LGALS8: variants seen among roughly 807,000 people sequenced by gnomAD.
The protein encoded by LGALS8 is galectin-8.
In LGALS8, 30 loss-of-function variants were observed where a neutral mutation model predicts 35.9. The ratio of observed to expected loss-of-function variants is 0.83; its 90% CI spans 0.62 to 1.13. The LOEUF is 1.13. Among genes scored for constraint, LGALS8 ranks in the 50% most tolerant of loss-of-function variants. LGALS8 has a pLI of 0.00. For synonymous variants in LGALS8, 138 were observed against 136.1 expected (o/e 1.01, Z -0.10); for missense variants, 366 against 388.7 (o/e 0.94, Z 0.49).
chr1:236,550,741 C>T lies in LGALS8; in HGVS notation c.*2580C>T, dbSNP rs1662691702. On this transcript the variant is annotated 3_prime_UTR_variant, in exon 10 of 10. Transcript: ENST00000366584. ...GGCAGGAGAGGCTTATGTGGCAGCA[C>T]AAGCCAGGTGGGGATTTTGTAAAGA... The T allele has an allele frequency of 1.2e-5, 7 of 573,880 alleles. No individual in the cohort carries two copies. Among genetic ancestry groups the T allele is most frequent in the South Asian group, 9.8e-5 (4 of 40,912 alleles). The allele number at this position is 573,880 out of a possible 1,614,324, so 35.5% of individuals were successfully genotyped here.
Position 236,550,007 on chromosome 1 carries a change from G to A in LGALS8, c.*1846G>A, listed in dbSNP as rs961820055. The A allele has an allele frequency of 2.0e-5, 3 of 152,004 alleles. No individual in the cohort carries two copies. Among genetic ancestry groups the A allele is most frequent in the East Asian group, 1.9e-4 (1 of 5,190 alleles). 9.4% of individuals were successfully genotyped at this position (152,004 alleles called of 1,614,324 possible). On this transcript the variant is annotated 3_prime_UTR_variant, in exon 10 of 10. Transcript: ENST00000366584. ...TTTAAACTCAATGCGAACATTCTAC[G>A]GGATGTTCTTAGATGCCTTTAAAAA...
chr1:236,547,980 A>AACCACTAATGGCATGTATC (rs1376416158), intron 9 of LGALS8, 32 bp from the exon 10 acceptor site: 1 of 1,585,532 alleles, frequency 6.3e-7, no homozygotes, highest in African/African-American at 1.3e-5. Flanking sequence ...AACTAAGGGG[A>AACCACTAATGGCATGTATC]ACCACTAATG....
rs376319045 is a variant in LGALS8, at chr1:236,543,590, C to T, written c.580C>T (p.Pro194Ser). 3 of 1,613,962 alleles carry T rather than the reference C, an allele frequency of 1.9e-6. No individual in the cohort carries two copies. The highest frequency in any genetic ancestry group is 1.7e-6 in the Non-Finnish European group (2 of 1,180,010). Reference sequence around the variant, plus strand: ...GCCATTCGCTGCAAGGTTGAACACCCCCATGGGCCCTGGACGAACTGTCGT... The same window carrying T: ...GCCATTCGCTGCAAGGTTGAACACCTCCATGGGCCCTGGACGAACTGTCGT... ...RLPFAARLNT[P>S]MGPGRTVVVK... The change falls in exon 8 of 10, where the codon CCC (proline) becomes TCC (serine). Residue 194 changes from proline (P) to serine (S), a missense_variant. By Grantham distance (74) the Pro-to-Ser change is moderately conservative. Transcript: ENST00000366584.
Position 236,526,157 on chromosome 1 carries a change from C to T in LGALS8, c.45+42C>T. The T allele has an allele frequency of 7.4e-7, 1 of 1,357,292 alleles. No individual in the cohort carries two copies. The highest frequency in any genetic ancestry group is 1.1e-6 in the Non-Finnish European group (1 of 949,540). 84.1% of individuals were successfully genotyped at this position (1,357,292 alleles called of 1,614,324 possible). ...AGATAACTTTTTACCTATGCCAGGA[C>T]AGATCCAATAGAATATTAATTATCC... On this transcript the variant is annotated intron_variant, in intron 2 of 9. Coordinates refer to ENST00000366584, the MANE Select transcript of LGALS8 (RefSeq NM_201544.4). The surrounding 1 kb of genome is among the most constrained non-coding windows in gnomAD (Gnocchi z 4.6).
chr1:236,545,059 CT>C (rs2103106312), intron 9 of LGALS8, 144 bp downstream of exon 9: 1 of 596,828 alleles, frequency 1.7e-6, no homozygotes, highest in East Asian at 2.8e-5. Context: ...TAATTTGCCC[CT>C]TTTTATAACG....
At position 236,544,732 on chromosome 1, in the gene LGALS8, TTC is replaced by T. The variant is rs1491307185; in HGVS notation, c.639-16_639-15del. The T allele has an allele frequency of 1.1e-5, 17 of 1,570,414 alleles. No homozygotes were observed. The highest frequency in any genetic ancestry group is 1.4e-5 in the Non-Finnish European group (16 of 1,162,868). Reference sequence around the variant, plus strand: ...ACTTGGTTAATTAAGGTTTTTTTTTTTCTTTCTTTCTCAAAAGCTTTAATGTT... The same window carrying T: ...ACTTGGTTAATTAAGGTTTTTTTTTTTTTCTTTCTCAAAAGCTTTAATGTT... On this transcript the variant is annotated splice_polypyrimidine_tract_variant and intron_variant, in intron 8 of 9. Transcript: ENST00000366584.
At chr1:236,544,722 G>T (rs552935106) in intron 8 of LGALS8, 28 bp from the exon 9 acceptor site, 2 of 1,347,564 alleles carry the variant, frequency 1.5e-6, no homozygotes, top group East Asian at 2.5e-5. Context: ...GTTAATTAAG[G>T]TTTTTTTTTT....
At position 236,551,294 on chromosome 1, in the gene LGALS8, AG is replaced by A. The variant is rs1038954646; in HGVS notation, c.*3135del. On this transcript the variant is annotated 3_prime_UTR_variant, in exon 10 of 10. Transcript: ENST00000366584. Reference sequence around the variant, plus strand: ...CCCCCCTCCAAGAGCTAAGAAACAAAGGAGAATGTACTTTTGTAGCTTAGAT... The same window carrying A: ...CCCCCCTCCAAGAGCTAAGAAACAAAGAGAATGTACTTTTGTAGCTTAGAT... 6 of 343,690 alleles carry A rather than the reference AG, an allele frequency of 1.7e-5. No individual in the cohort carries two copies. The highest frequency in any genetic ancestry group is 1.3e-4 in the African/African-American group (6 of 47,642). 21.3% of individuals were successfully genotyped at this position (343,690 alleles called of 1,614,324 possible).
At chr1:236,524,091 G>T (rs1282603046) in intron 1 of LGALS8, 30 bp downstream of exon 1, 1 of 455,986 alleles carries the variant, frequency 2.2e-6, no homozygotes, top group Non-Finnish European at 4.4e-6. Flanking sequence ...GCCTCGGGTG[G>T]CGGGGCAGTC....
chr1:236,539,154 C>T lies in LGALS8; in HGVS notation c.345+65C>T, dbSNP rs1030170086. On this transcript the variant is annotated intron_variant, in intron 4 of 9. Transcript: ENST00000366584. ...AGCAGGAGTGCACAGGGGTGCTTTT[C>T]ACATTTGTGAGCCCAGCCTTATATT... is the stretch of plus-strand genomic sequence containing the variant. 4.6e-5 allele frequency: 58 copies of T among 1,263,348 alleles called. No homozygotes were observed. The African/African-American group carries it at 7.8e-4, about 17-fold the overall frequency. 78.3% of individuals were successfully genotyped at this position (1,263,348 alleles called of 1,614,324 possible).
At chr1:236,530,961 A>C (rs560951983) in intron 2 of LGALS8, among the ~76,000 whole-genome samples, 24 of 152,330 alleles carry the variant, frequency 1.6e-4, no homozygotes, top group African/African-American at 5.5e-4. Flanking sequence ...ATACTTATGA[A>C]TATCCAAAAG....
chr1:236,534,251 C>A (rs819426), intron 2 of LGALS8, among the ~76,000 whole-genome samples: 12 of 151,880 alleles, frequency 7.9e-5, no homozygotes, highest in Non-Finnish European at 1.5e-4. Flanking sequence ...ATTTTCACTC[C>A]ATGTTTCCTG....
At chr1:236,532,917 T>C (rs1229134716) in intron 2 of LGALS8, among the ~76,000 whole-genome samples, 2 of 152,210 alleles carry the variant, frequency 1.3e-5, no homozygotes, top group Non-Finnish European at 2.9e-5. Context: ...TGGCCTTATG[T>C]AGACAGTTTC....
At chr1:236,531,485 T>C (rs1187797136) in intron 2 of LGALS8, among the ~76,000 whole-genome samples, 2 of 152,006 alleles carry the variant, frequency 1.3e-5, no homozygotes, top group African/African-American at 2.4e-5. Flanking sequence ...CACCCACGCC[T>C]GGCTAATTTT....
chr1:236,522,465 G>T (rs1190670595), upstream of LGALS8, among the ~76,000 whole-genome samples: 1 of 152,114 alleles, frequency 6.6e-6, no homozygotes, highest in Non-Finnish European at 1.5e-5. Flanking sequence ...AATTAGCTGG[G>T]CATAGTGGTG....
chr1:236,532,943 T>A (rs1319792894), intron 2 of LGALS8, among the ~76,000 whole-genome samples: 1 of 152,238 alleles, frequency 6.6e-6, no homozygotes, highest in East Asian at 1.9e-4. Flanking sequence ...AAACATCTCT[T>A]GGACTTCTCT....
At chr1:236,519,942 T>C (rs1432731514), upstream of LGALS8, among the ~76,000 whole-genome samples, 2 of 148,882 alleles carry the variant, frequency 1.3e-5, no homozygotes, top group Non-Finnish European at 3.0e-5. Flanking sequence ...AGTATTGTTT[T>C]GTACAATTTT....
intron 4 of LGALS8, chr1:236,539,350 G>A: frequency 1.1e-5 from 5 of 468,118 alleles, no homozygotes; most frequent in Non-Finnish European, 2.0e-5. Flanking sequence ...TCTCCTAGCA[G>A]GGCTGAGTTC....
At chr1:236,521,961 G>C (rs1480407173), upstream of LGALS8, among the ~76,000 whole-genome samples, 1 of 152,198 alleles carries the variant, frequency 6.6e-6, no homozygotes, top group African/African-American at 2.4e-5. Context: ...GACCGATTAG[G>C]ATACTGCAGT....
Sources: gnomAD v4.1 joint callset for allele counts (sites outside exome capture counted in the v4.1 genomes callset) on GRCh38, gnomAD v4.1.1 for gene constraint, Gnocchi (gnomAD v3.1) non-coding constraint, MANE v1.5 for transcripts, NCBI Gene and HGNC (gene_info 2026-07-23, HGNC 2026-07-21) for gene names.